The following USP7 variants were observed in gnomAD, a reference collection of about 807,000 sequenced individuals.
USP7 encodes ubiquitin specific peptidase 7.
In USP7, 9 loss-of-function variants were observed where a neutral mutation model predicts 162.9. The ratio of observed to expected loss-of-function variants is 0.06; its 90% CI spans 0.03 to 0.10. USP7 has a LOEUF of 0.10. Ranked by LOEUF, USP7 falls within the 10% of genes least tolerant of loss-of-function variation. USP7 has a pLI of 1.00. For missense variants in USP7, 715 were observed against 1,373.7 expected, an observed-to-expected ratio of 0.52 and a Z score of 7.58; for synonymous variants, 562 against 475.9, an observed-to-expected ratio of 1.18 and a Z score of -2.35.
At chr16:8,903,797 G>A (rs2061815532) in intron 15 of USP7, among the ~76,000 whole-genome samples, 1 of 151,664 alleles carries the variant, frequency 6.6e-6, no homozygotes, top group African/African-American at 2.4e-5. Flanking sequence ...AATCCAGGAG[G>A]CAGAGGTTGA....
chr16:8,908,592 G>A (rs548729947), intron 11 of USP7, 142 bp from the exon 12 acceptor site: 49 of 638,872 alleles, frequency 7.7e-5, no homozygotes, highest in Non-Finnish European at 1.1e-4. Flanking sequence ...TCCATTTAGG[G>A]CATCTTTGAA....
Position 8,898,387 on chromosome 16 carries a change from T to C in USP7, c.2691A>G (p.Ile897Met), listed in dbSNP as rs1415001823. 7.4e-6 allele frequency: 12 copies of C among 1,612,334 alleles called. No homozygotes were observed. The highest frequency in any genetic ancestry group is 9.3e-6 in the Non-Finnish European group (11 of 1,179,656). Residue 897 changes from isoleucine (I) to methionine (M), a missense_variant, in exon 25 of 31, where the codon ATA becomes ATG. Ile to Met is a conservative substitution (Grantham distance 10). Coordinates refer to ENST00000344836, the MANE Select transcript of USP7 (RefSeq NM_003470.3). ...DFENRRSFKCIWLNSQFREEE... is the reference protein window; with the variant it reads ...DFENRRSFKCMWLNSQFREEE... ...CTTCCCTAAATTGGCTGTTTAACCA[T>C]ATACATTTAAAACTTCGCCTGTTCT...
At position 8,948,596 on chromosome 16, in the gene USP7, T is replaced by A. The variant is rs550017619; in HGVS notation, c.79+14611A>T. On this transcript the variant is annotated intron_variant, in intron 1 of 30. Coordinates refer to ENST00000344836, the MANE Select transcript of USP7 (RefSeq NM_003470.3). ...TACAGATGACACAATCCTAAGAACC[T>A]GCACATCTCTTTGCTAAATCATGGT... Among the ~76,000 whole-genome samples, 3 of 152,302 alleles carry A rather than the reference T, an allele frequency of 2.0e-5. No individual in the cohort carries two copies. The East Asian group carries it at 5.8e-4, about 29-fold the overall frequency.
intron 1 of USP7, among the ~76,000 whole-genome samples, chr16:8,942,132 A>G (rs1459121588): frequency 1.3e-5 from 2 of 152,256 alleles, no homozygotes; most frequent in Non-Finnish European, 2.9e-5. Flanking sequence ...GAAGGTGGGC[A>G]GGGCCAAAGC....
At chr16:8,955,801 A>G (rs1339119886) in intron 1 of USP7, among the ~76,000 whole-genome samples, 5 of 151,956 alleles carry the variant, frequency 3.3e-5, no homozygotes, top group Non-Finnish European at 5.9e-5. Flanking sequence ...TGTGCTTGCA[A>G]CTTGAGGTCA....
At chr16:8,915,712 AC>A (rs1371100891) in intron 8 of USP7, among the ~76,000 whole-genome samples, 187 bp from the exon 9 acceptor site, 1 of 152,266 alleles carries the variant, frequency 6.6e-6, no homozygotes, top group Non-Finnish European at 1.5e-5. Flanking sequence ...AAACATCTCT[AC>A]ATGCAACAGT....
At position 8,963,199 on chromosome 16, in the gene USP7, G is replaced by T. The variant is rs1467486494; in HGVS notation, c.79+8C>A. 2.8e-6 allele frequency: 4 copies of T among 1,414,402 alleles called. No homozygotes were observed. The highest frequency in any genetic ancestry group is 3.5e-5 in the East Asian group (1 of 28,964). 87.6% of individuals were successfully genotyped at this position (1,414,402 alleles called of 1,614,324 possible). A position where few individuals can be genotyped will look rare whatever the true frequency, so the allele number is the denominator to read the frequency against. ...CCGGCCCCGCCGCGGCCGGCCCTCG[G>T]GCCTCACCTTCCATCTCCATGTCCT... is the stretch of plus-strand genomic sequence containing the variant. On this transcript the variant is annotated splice_region_variant and intron_variant, in intron 1 of 30. Transcript: ENST00000344836.
intron 15 of USP7, 150 bp downstream of exon 15, chr16:8,904,285 G>A (rs1230102491): frequency 7.2e-7 from 1 of 1,381,932 alleles, no homozygotes; most frequent in East Asian, 2.4e-5. Flanking sequence ...CAGAGGAGTG[G>A]GGACTGACCT....
chr16:8,898,724 C>A, intron 23 of USP7, 85 bp from the exon 24 acceptor site: 1 of 1,126,132 alleles, frequency 8.9e-7, no homozygotes. Context: ...AAGCAAACCG[C>A]TGGCCTTACA....
rs756542211 is a variant in USP7, at chr16:8,915,235, A to C, written c.1078+19T>G. On this transcript the variant is annotated intron_variant, in intron 10 of 30. Coordinates refer to ENST00000344836, the MANE Select transcript of USP7 (RefSeq NM_003470.3). The stretch of plus-strand genomic sequence containing the variant: ...GAAATCATCAAAAGATCATGCCATT[A>C]GATACACACAACACTTACTATTTTT... 6.4e-7 allele frequency: 1 copy of C among 1,554,602 alleles called. No individual in the cohort carries two copies. Among genetic ancestry groups the C allele is most frequent in the African/African-American group, 1.4e-5 (1 of 72,432 alleles).
intron 1 of USP7, among the ~76,000 whole-genome samples, chr16:8,931,190 CTT>C (rs1239283546): frequency 1.4e-5 from 2 of 144,554 alleles, no homozygotes; most frequent in East Asian, 2.0e-4. Flanking sequence ...ACACATGCAT[CTT>C]TTTTTTTTTT....
At chr16:8,932,879 T>C (rs1898452565) in intron 1 of USP7, among the ~76,000 whole-genome samples, 1 of 152,022 alleles carries the variant, frequency 6.6e-6, no homozygotes, top group South Asian at 2.1e-4. Flanking sequence ...AGAATATATT[T>C]ATGTACTAAC....
chr16:8,953,085 T>A (rs974612822), intron 1 of USP7, among the ~76,000 whole-genome samples: 11 of 152,128 alleles, frequency 7.2e-5, no homozygotes, highest in Admixed American at 7.2e-4. Context: ...TCTGTCGCCT[T>A]GGCCTCCCGA....
At chr16:8,924,729 T>C (rs1439383061) in intron 2 of USP7, among the ~76,000 whole-genome samples, 2 of 152,274 alleles carry the variant, frequency 1.3e-5, no homozygotes, top group Non-Finnish European at 2.9e-5. Flanking sequence ...TGACTGAGTT[T>C]GGTCTTAAGA....
At chr16:8,957,704 G>C (rs1466347522) in intron 1 of USP7, among the ~76,000 whole-genome samples, 5 of 151,790 alleles carry the variant, frequency 3.3e-5, no homozygotes, top group Non-Finnish European at 7.4e-5. Flanking sequence ...GCTGCAGTGA[G>C]CTATGATCGC....
intron 25 of USP7, among the ~76,000 whole-genome samples, chr16:8,897,698 CAAAAAAAAA>C (rs55635828): frequency 1.1e-4 from 4 of 35,594 alleles, no homozygotes; most frequent in African/African-American, 1.2e-4. Flanking sequence ...CCTGTCTCTA[CAAAAAAAAA>C]AAAAAAAAAA....
intron 10 of USP7, among the ~76,000 whole-genome samples, chr16:8,911,846 G>A (rs1348190281): frequency 6.6e-6 from 1 of 152,200 alleles, no homozygotes; most frequent in African/African-American, 2.4e-5. Context: ...AAAAGAACCA[G>A]CAAGAGGATG....
At chr16:8,923,507 G>A in intron 2 of USP7, 94 bp from the exon 3 acceptor site, 10 of 1,322,816 alleles carry the variant, frequency 7.6e-6, no homozygotes, top group African/African-American at 2.9e-5. Context: ...TATACATCCT[G>A]ATTTAACTGC....
At chr16:8,915,912 T>A (rs2141201653) in intron 8 of USP7, among the ~76,000 whole-genome samples, 1 of 152,354 alleles carries the variant, frequency 6.6e-6, no homozygotes, top group African/African-American at 2.4e-5. Context: ...TGTCCATGGA[T>A]ATTTAATGAA....
Sources: allele counts gnomAD v4.1 joint callset (sites outside exome capture counted in the v4.1 genomes callset), GRCh38; gene constraint gnomAD v4.1.1; transcripts MANE v1.5; gene names NCBI Gene and HGNC (gene_info 2026-07-23, HGNC 2026-07-21).